Variants in CHRNB4 observed in about 807,000 individuals in gnomAD.
CHRNB4 encodes the protein cholinergic receptor nicotinic beta 4 subunit.
CHRNB4 carries 23 observed loss-of-function variants against 40.4 expected under a neutral mutation model. The ratio of observed to expected loss-of-function variants is 0.57; its 90% CI spans 0.41 to 0.81. The LOEUF is 0.81. Among genes scored for constraint, CHRNB4 ranks in the 30% least tolerant of loss-of-function variants. The pLI, the probability that CHRNB4 is intolerant of heterozygous loss-of-function variation, is 0.00. For missense variants in CHRNB4, 568 were observed against 670.6 expected, an observed-to-expected ratio of 0.85 and a Z score of 1.69; for synonymous variants, 285 against 274.4, an observed-to-expected ratio of 1.04 and a Z score of -0.38.
At chr15:78,661,094 G>A (rs748766823), upstream of CHRNB4, 17 of 605,800 alleles carry the variant, frequency 2.8e-5, no homozygotes, top group Non-Finnish European at 5.1e-5. Flanking sequence ...TTGAACTTCC[G>A]GCCCTTGGAG....
At chr15:78,634,981 G>A (rs904634992) in intron 2 of CHRNB4, among the ~76,000 whole-genome samples, 1 of 152,134 alleles carries the variant, frequency 6.6e-6, no homozygotes, top group Non-Finnish European at 1.5e-5. Context: ...TGGCTCAATA[G>A]GTGCTGCACT....
At chr15:78,659,442 A>G (rs1166397129) in intron 1 of CHRNB4, among the ~76,000 whole-genome samples, 1 of 152,154 alleles carries the variant, frequency 6.6e-6, no homozygotes, top group Non-Finnish European at 1.5e-5. Flanking sequence ...AGAAAGAAAG[A>G]AAAAGAAACA....
chr15:78,631,037 C>G (rs1416037444), intron 4 of CHRNB4, 39 bp downstream of exon 4: 20 of 1,543,042 alleles, frequency 1.3e-5, no homozygotes, highest in Middle Eastern at 1.7e-4. Context: ...GCTGCCCTGG[C>G]CTGGCTGTCA....
Position 78,625,223 on chromosome 15 carries a change from C to T in CHRNB4, c.1407G>A (p.Val469=). Residue 469 remains valine (V), a synonymous_variant, in exon 6 of 6, where the codon GTG becomes GTA. Transcript: ENST00000261751. ...DRLFLWVFMF[V]CVLGTVGLFL... is the part of the protein sequence containing the mutation. ...AGAGCCCCACAGTGCCCAGGACGCACACAAACATGAACACCCACAGGAACA... is the reference window on the plus strand; with the variant it reads ...AGAGCCCCACAGTGCCCAGGACGCATACAAACATGAACACCCACAGGAACA... 1.3e-6 allele frequency: 2 copies of T among 1,593,298 alleles called. No homozygotes were observed. Among genetic ancestry groups the T allele is most frequent in the Non-Finnish European group, 1.7e-6 (2 of 1,170,212 alleles).
chr15:78,655,434 ATATATATCTATATCTATATATATC>A (rs918333972), intron 5 of CHRNB4: 8 of 139,358 alleles, frequency 5.7e-5, no homozygotes, highest in East Asian at 2.1e-4. Context: ...ATCTATATCT[ATATATATCTATATCTATATATATC>A]TATATATCTA....
intron 2 of CHRNB4, among the ~76,000 whole-genome samples, chr15:78,632,574 G>A (rs2053856548): frequency 6.6e-6 from 1 of 151,936 alleles, no homozygotes; most frequent in South Asian, 2.1e-4. Flanking sequence ...GCCTCCCAAA[G>A]TGCTGGCATT....
In CHRNB4 at chr15:78,628,988, C is replaced by A. The variant is rs1477586817; in HGVS notation, c.1317G>T (p.Lys439Asn). ...EGVSFIAQHM[K>N]NDDEDQSVVE... Reference sequence around the variant, plus strand: ...TTACACTCTGGTCTTCATCGTCATTCTTCATGTGCTGGGCGATGAAGCTGA... The same window carrying A: ...TTACACTCTGGTCTTCATCGTCATTATTCATGTGCTGGGCGATGAAGCTGA... The change falls in exon 5 of 6, where the codon AAG becomes AAT. Residue 439 changes from lysine (K) to asparagine (N), a missense_variant. By Grantham distance (94) the Lys-to-Asn change is moderately conservative. Coordinates refer to ENST00000261751, the MANE Select transcript of CHRNB4 (RefSeq NM_000750.5). 2 of 1,613,608 alleles carry A rather than the reference C, an allele frequency of 1.2e-6. No individual in the cohort carries two copies. The highest frequency in any genetic ancestry group is 1.7e-6 in the Non-Finnish European group (2 of 1,179,580).
rs56258098 is a variant in CHRNB4 at position 78,628,975 on chromosome 15, C to A, written c.1330G>T (p.Asp444Tyr). ...GCTGGTTAGCAACTTACACTCTGGTCTTCATCGTCATTCTTCATGTGCTGG... is the reference window on the plus strand; with the variant it reads ...GCTGGTTAGCAACTTACACTCTGGTATTCATCGTCATTCTTCATGTGCTGG... The part of the protein sequence containing the change: ...IAQHMKNDDE[D>Y]QSVVEDWKYV... The change falls in exon 5 of 6, where the codon GAC (aspartate) becomes TAC (tyrosine). Residue 444 changes from aspartate to tyrosine, a missense_variant. Transcript: ENST00000261751. The A allele has an allele frequency of 4.7e-5, 76 of 1,611,780 alleles. No individual in the cohort carries two copies. Among genetic ancestry groups the A allele is most frequent in the Non-Finnish European group, 6.4e-5 (75 of 1,178,220 alleles).
At position 78,631,311 on chromosome 15, in the gene CHRNB4, T is replaced by C; in HGVS notation, c.226A>G (p.Thr76Ala). The stretch of plus-strand genomic sequence containing the variant: ...ACCTGTTTCAGCCAGACATTGGTGG[T>C]CATGATCTGCTCTCGCTCATTCTGG... ...ISVNEREQIM[T>A]TNVWLKQEWT... Residue 76 changes from threonine to alanine, a missense_variant, in exon 3 of 6, where the codon ACC becomes GCC. Physicochemically the swap from Thr to Ala is moderately conservative, Grantham distance 58 (BLOSUM62 0). Around this residue, in one of 4 missense-constraint regions of CHRNB4, gnomAD observed 161 missense variants for 148.1 expected, o/e 1.09. Transcript: ENST00000261751. The C allele has an allele frequency of 6.2e-7, 1 of 1,614,092 alleles. No homozygotes were observed.
intron 1 of CHRNB4, among the ~76,000 whole-genome samples, chr15:78,660,349 T>A (rs1248567943): frequency 2.0e-5 from 3 of 152,254 alleles, no homozygotes; most frequent in Admixed American, 6.5e-5. Context: ...CAATAAAAGT[T>A]GCTAACAGCA....
At chr15:78,632,199 T>C (rs1487198673) in intron 2 of CHRNB4, among the ~76,000 whole-genome samples, 14 of 92,098 alleles carry the variant, frequency 1.5e-4, no homozygotes, top group African/African-American at 8.3e-4. Context: ...CTTTCTTTCT[T>C]TCTTTCTTTC....
At chr15:78,628,910 GCTA>G in intron 5 of CHRNB4, 54 bp downstream of exon 5, 1 of 1,541,878 alleles carries the variant, frequency 6.5e-7, no homozygotes, top group Non-Finnish European at 8.8e-7. Flanking sequence ...GGAAGCTGGT[GCTA>G]CTATCTGAGC....
At chr15:78,639,940 C>T (rs1426124889) in intron 1 of CHRNB4, among the ~76,000 whole-genome samples, 1 of 152,238 alleles carries the variant, frequency 6.6e-6, no homozygotes, top group Non-Finnish European at 1.5e-5. Context: ...CCACGATACA[C>T]AGACTGCCTG....
At position 78,629,229 on chromosome 15, in the gene CHRNB4, G is replaced by A. The variant is rs1358406449; in HGVS notation, c.1076C>T (p.Ala359Val). 1.2e-6 allele frequency: 2 copies of A among 1,613,578 alleles called. No homozygotes were observed. The highest frequency in any genetic ancestry group is 1.7e-4 in the Middle Eastern group (1 of 6,058). Residue 359 changes from alanine to valine, a missense_variant, in exon 5 of 6, where the codon GCC (alanine) becomes GTC (valine). Physicochemically the swap from Ala to Val is moderately conservative, Grantham distance 64. Around this residue, in one of 4 missense-constraint regions of CHRNB4, gnomAD observed 242 missense variants for 274.9 expected, o/e 0.88. Transcript: ENST00000261751. The surrounding 1 kb of genome is among the most constrained non-coding windows in gnomAD (Gnocchi z 6.8). ...RPGPDSSPAR[A>V]FPPSKSCVTK... ...CACGCATGACTTGCTGGGCGGGAAG[G>A]CTCTGGCCGGGCTGCTGTCGGGGCC...
In CHRNB4 at chr15:78,629,777, A is replaced by G; in HGVS notation, c.528T>C (p.Tyr176=). ...NCTLKFRSWT[Y]DHTEIDMVLM... ...GGACCATGTCTATCTCCGTGTGGTC[A>G]TAGGTCCAGGAGCGGAACTTGAGGG... The change falls in exon 5 of 6, where the codon TAT becomes TAC. Residue 176 remains tyrosine (Y), a synonymous_variant. Coordinates refer to ENST00000261751, the MANE Select transcript of CHRNB4 (RefSeq NM_000750.5). The surrounding 1 kb of genome is among the most constrained non-coding windows in gnomAD (Gnocchi z 6.8). The G allele has an allele frequency of 6.2e-7, 1 of 1,614,130 alleles. No individual in the cohort carries two copies.
chr15:78,651,168 A>C (rs1459626497), intron 6 of CHRNB4, among the ~76,000 whole-genome samples: 1 of 152,172 alleles, frequency 6.6e-6, no homozygotes. Context: ...TCTATAAAGC[A>C]GCCAGTGATC....
intron 5 of CHRNB4, among the ~76,000 whole-genome samples, chr15:78,654,464 G>T (rs2141410836): frequency 6.6e-6 from 1 of 152,360 alleles, no homozygotes; most frequent in South Asian, 2.1e-4. Context: ...CTGCAGAGGT[G>T]AGTCACAGCA....
At chr15:78,654,974 T>C (rs899514674) in intron 5 of CHRNB4, among the ~76,000 whole-genome samples, 3 of 152,188 alleles carry the variant, frequency 2.0e-5, no homozygotes, top group South Asian at 2.1e-4. Context: ...TATGGACGGA[T>C]AACTGGAGTA....
At position 78,629,043 on chromosome 15, in the gene CHRNB4, C is replaced by G. The variant is rs576926309; in HGVS notation, c.1262G>C (p.Arg421Pro). 3.7e-6 allele frequency: 6 copies of G among 1,614,120 alleles called. No homozygotes were observed. The highest frequency in any genetic ancestry group is 2.2e-5 in the East Asian group (1 of 44,870). The change falls in exon 5 of 6, where the codon CGA becomes CCA. Residue 421 changes from arginine (R) to proline (P), a missense_variant. Transcript: ENST00000261751. The surrounding 1 kb of genome is among the most constrained non-coding windows in gnomAD (Gnocchi z 6.8). ...TTCTAATGCCTCCTGCACATCCTGT[C>G]GGAACCTCCCAGAGGACCGCAGCCA... ...DFWLRSSGRF[R>P]QDVQEALEGV... is the part of the protein sequence containing the mutation.
Sources: gnomAD v4.1 joint callset for allele counts (sites outside exome capture counted in the v4.1 genomes callset) on GRCh38, gnomAD v4.1.1 for gene constraint, gnomAD v4.1.1 regional missense constraint, Gnocchi (gnomAD v3.1) non-coding constraint, MANE v1.5 for transcripts, NCBI Gene and HGNC (gene_info 2026-07-23, HGNC 2026-07-21) for gene names.